PLEKHA5: variants seen among roughly 807,000 people sequenced by gnomAD.
PLEKHA5 encodes the protein pleckstrin homology domain containing A5.
A neutral mutation model predicts 181.9 loss-of-function variants in PLEKHA5; 55 were observed. That is an observed-to-expected ratio of 0.30 (90% CI 0.24 to 0.38). PLEKHA5 has a LOEUF of 0.38. Ranked by LOEUF, PLEKHA5 falls within the 10% of genes least tolerant of loss-of-function variation. The probability of loss-of-function intolerance (pLI) is 1.00; values close to 1 mark genes in which losing one functional copy is unlikely to be tolerated. For missense variants in PLEKHA5, 1,432 were observed against 1,549.5 expected (o/e 0.92, Z 1.27); for synonymous variants, 535 against 529.4 (o/e 1.01, Z -0.15).
chr12:19,265,340 T>A (rs1256643848), intron 7 of PLEKHA5, among the ~76,000 whole-genome samples: 1 of 152,140 alleles, frequency 6.6e-6, no homozygotes, highest in Non-Finnish European at 1.5e-5. Context: ...AGAGAAAACG[T>A]TAAATAAATA....
intron 3 of PLEKHA5, among the ~76,000 whole-genome samples, chr12:19,180,293 G>A (rs2048256029): frequency 6.6e-6 from 1 of 152,090 alleles, no homozygotes; most frequent in Non-Finnish European, 1.5e-5. Flanking sequence ...GAAAGACTAG[G>A]TCATTTGACA....
intron 3 of PLEKHA5, chr12:19,152,789 G>C (rs899900046): frequency 7.2e-5 from 11 of 152,034 alleles, no homozygotes; most frequent in African/African-American, 2.7e-4. Flanking sequence ...GCTTCTCTAG[G>C]ATCTGTAAAT....
intron 3 of PLEKHA5, among the ~76,000 whole-genome samples, chr12:19,143,360 C>T (rs17505005): frequency 0.062 from 9,423 of 152,092 alleles, 351 homozygotes; most frequent in South Asian, 0.11. Context: ...TAAAAGTGTA[C>T]GTTTAGTGTA....
intron 3 of PLEKHA5, among the ~76,000 whole-genome samples, chr12:19,183,326 TC>T (rs1246305482): frequency 8.5e-5 from 13 of 152,200 alleles, no homozygotes; most frequent in Non-Finnish European, 1.9e-4. Context: ...AACCTTAGTT[TC>T]CTCTGAGTGC....
chr12:19,260,904 T>G, intron 6 of PLEKHA5, 45 bp from the exon 7 acceptor site: 2 of 1,137,956 alleles, frequency 1.8e-6, no homozygotes, highest in Non-Finnish European at 2.5e-6. Context: ...CATGTGAGTT[T>G]TTGTTGTTTG....
chr12:19,229,537 G>A (rs547158344), intron 3 of PLEKHA5, among the ~76,000 whole-genome samples: 31 of 152,062 alleles, frequency 2.0e-4, no homozygotes, highest in African/African-American at 7.0e-4. Flanking sequence ...CATTCCTCCC[G>A]GTGGGTTTGT....
chr12:19,325,861 G>T (rs946653691), intron 20 of PLEKHA5, among the ~76,000 whole-genome samples: 2 of 150,526 alleles, frequency 1.3e-5, no homozygotes, highest in Admixed American at 6.6e-5. Context: ...TACAAAATTA[G>T]CCAGGCATGG....
At chr12:19,340,432 A>G (rs1485063338) in intron 21 of PLEKHA5, among the ~76,000 whole-genome samples, 3,278 of 39,848 alleles carry the variant, frequency 0.082, 3 homozygotes, top group Non-Finnish European at 0.24. Context: ...CTGCCCGGCC[A>G]CCACCCCGTC....
At chr12:19,240,227 C>G (rs1207906742) in intron 3 of PLEKHA5, among the ~76,000 whole-genome samples, 1 of 151,692 alleles carries the variant, frequency 6.6e-6, no homozygotes, top group Non-Finnish European at 1.5e-5. Context: ...TGTGTTTTAT[C>G]TACAATAAAA....
At chr12:19,374,487 C>T (rs2095663476) in intron 31 of PLEKHA5, among the ~76,000 whole-genome samples, 2 of 151,456 alleles carry the variant, frequency 1.3e-5, no homozygotes, top group South Asian at 4.2e-4. Flanking sequence ...GTTGAAACTC[C>T]GTCTCTACTG....
In PLEKHA5 at chr12:19,317,929, T is replaced by TC. The variant is rs2153021979; in HGVS notation, c.2119-2092_2119-2091insC. Among the ~76,000 whole-genome samples, 3 of 149,742 alleles carry TC rather than the reference T, an allele frequency of 2.0e-5. No homozygotes were observed. The East Asian group carries it at 5.8e-4, about 29-fold the overall frequency. ...AAGTATTCAAACCAAACCTTTTTTT[T>TC]TTTTTTTTTTTTTTTTGGCTAAAGG... On this transcript the variant is annotated intron_variant, in intron 16 of 31. Coordinates refer to ENST00000429027, the MANE Select transcript of PLEKHA5 (RefSeq NM_001256470.2).
intron 5 of PLEKHA5, among the ~76,000 whole-genome samples, chr12:19,256,248 A>G (rs889964620): frequency 7.4e-5 from 11 of 149,122 alleles, no homozygotes; most frequent in Admixed American, 6.6e-4. Flanking sequence ...CAGATTTCCA[A>G]AGATCAGAAA....
intron 15 of PLEKHA5, among the ~76,000 whole-genome samples, chr12:19,309,758 A>C (rs2085735720): frequency 6.6e-6 from 1 of 151,798 alleles, no homozygotes; most frequent in Admixed American, 6.6e-5. Context: ...AAAAAAAATA[A>C]TAAAATCTCA....
At position 19,156,214 on chromosome 12, in the gene PLEKHA5, G is replaced by GTT. The variant is rs60021967; in HGVS notation, c.227+23774_227+23775dup. Among the ~76,000 whole-genome samples, 987 of 144,920 alleles carry GTT rather than the reference G, an allele frequency of 6.8e-3. 8 individuals are homozygous for GTT. The highest frequency in any genetic ancestry group is 0.019 in the African/African-American group (764 of 39,552). ...TTGATTTGTTTTTTTTCCTTTTTTT[G>GTT]TTTTTTTTTTTCTCCTCAGGGAGTG... On this transcript the variant is annotated intron_variant, in intron 3 of 31. Transcript: ENST00000429027.
chr12:19,324,405 C>G (rs980501569), intron 20 of PLEKHA5, among the ~76,000 whole-genome samples: 1 of 152,064 alleles, frequency 6.6e-6, no homozygotes, highest in South Asian at 2.1e-4. Context: ...AATATCCTTT[C>G]CATTGTGAGT....
In PLEKHA5 at chr12:19,334,864, ATATATC is replaced by A. The variant is rs1488541350; in HGVS notation, c.2449-1649_2449-1644del. ...TATATATATATATATATATATATAT[ATATATC>A]TCTGTATACGCACACACACACAAAA... On this transcript the variant is annotated intron_variant, in intron 20 of 31. Coordinates refer to ENST00000429027, the MANE Select transcript of PLEKHA5 (RefSeq NM_001256470.2). 4.5e-3 allele frequency among the ~76,000 whole-genome samples: 274 copies of A among 60,478 alleles called. 31 individuals carry two copies. Among genetic ancestry groups the A allele is most frequent in the East Asian group, 0.012 (32 of 2,782 alleles). 39.7% of individuals were successfully genotyped at this position (60,478 alleles called of 152,430 possible). A position where few individuals can be genotyped will look rare whatever the true frequency, so the allele number is the denominator to read the frequency against.
chr12:19,154,117 G>A (rs757610399), intron 3 of PLEKHA5: 1 of 152,124 alleles, frequency 6.6e-6, no homozygotes, highest in African/African-American at 2.4e-5. Context: ...TTTTTATCAT[G>A]AGGGGACCTC....
At chr12:19,191,479 G>A (rs78293041) in intron 3 of PLEKHA5, among the ~76,000 whole-genome samples, 79 of 152,246 alleles carry the variant, frequency 5.2e-4, no homozygotes, top group African/African-American at 1.7e-3. Flanking sequence ...TGTCAGTCTT[G>A]TCCCCTAAAC....
intron 3 of PLEKHA5, among the ~76,000 whole-genome samples, chr12:19,220,969 A>AC (rs1473937438): frequency 1.3e-5 from 2 of 152,194 alleles, no homozygotes; most frequent in African/African-American, 4.8e-5. Flanking sequence ...ACTACTACAC[A>AC]CCCATTAAAA....
Sources: gnomAD v4.1 joint callset for allele counts (sites outside exome capture counted in the v4.1 genomes callset) on GRCh38, gnomAD v4.1.1 for gene constraint, MANE v1.5 for transcripts, NCBI Gene and HGNC (gene_info 2026-07-23, HGNC 2026-07-21) for gene names.